Variants in ANXA8 observed in about 807,000 individuals in gnomAD.
The protein encoded by ANXA8 is annexin A8.
A neutral mutation model predicts 26.8 loss-of-function variants in ANXA8; 9 were observed. That is an observed-to-expected ratio of 0.34 (90% CI 0.20 to 0.59). The LOEUF is 0.59. Ranked by LOEUF, ANXA8 falls within the 20% of genes least tolerant of loss-of-function variation. The pLI, the probability that ANXA8 is intolerant of heterozygous loss-of-function variation, is 0.84. For synonymous variants in ANXA8, 39 were observed against 94.8 expected, an observed-to-expected ratio of 0.41 and a Z score of 3.42; for missense variants, 83 against 238.5, an observed-to-expected ratio of 0.35 and a Z score of 4.29.
the ANXA8 span, among the ~76,000 whole-genome samples, chr10:47,559,548 T>C: frequency 7.4e-4 from 112 of 152,018 alleles, 1 homozygote; most frequent in African/African-American, 2.7e-3. Context: ...TGGCTTTTTC[T>C]GTTTGTGGGT....
the ANXA8 span, among the ~76,000 whole-genome samples, chr10:47,559,142 C>CTTTTT: frequency 1.9e-4 from 14 of 73,308 alleles, 1 homozygote; most frequent in African/African-American, 4.1e-4. Flanking sequence ...TGGAGTCTTA[C>CTTTTT]TTTTTTTTTT....
the ANXA8 span, chr10:47,590,472 G>A: frequency 6.8e-6 from 1 of 146,768 alleles, no homozygotes. Context: ...CCAAAGAGAG[G>A]CCAGTGTTGG....
the ANXA8 span, among the ~76,000 whole-genome samples, chr10:47,533,620 GT>G: frequency 8.8e-5 from 10 of 114,046 alleles, no homozygotes; most frequent in Non-Finnish European, 1.2e-4. Context: ...TGAGGGGATG[GT>G]GTAGGGTGTG....
chr10:47,535,360 T>C, the ANXA8 span, among the ~76,000 whole-genome samples: 1 of 129,918 alleles, frequency 7.7e-6, no homozygotes, highest in Non-Finnish European at 1.5e-5. Context: ...GAATTATAGA[T>C]CTTTCTCTTG....
the ANXA8 span, among the ~76,000 whole-genome samples, chr10:47,525,654 ATTATT>A: frequency 7.2e-6 from 1 of 138,176 alleles, no homozygotes; most frequent in South Asian, 2.3e-4. Flanking sequence ...TATTATTATT[ATTATT>A]TTGAGACGAA....
the ANXA8 span, among the ~76,000 whole-genome samples, chr10:47,767,829 A>G: frequency 6.7e-6 from 1 of 149,984 alleles, no homozygotes; most frequent in East Asian, 2.0e-4. Flanking sequence ...GGGGCCATGG[A>G]AAGCCCCACG....
the ANXA8 span, among the ~76,000 whole-genome samples, chr10:47,728,939 A>T: frequency 6.6e-6 from 1 of 152,270 alleles, no homozygotes; most frequent in Non-Finnish European, 1.5e-5. Flanking sequence ...TTTTTAGTAG[A>T]TATGGGGTTT....
At chr10:47,501,878 A>T in the ANXA8 span, 10 of 830,364 alleles carry the variant, frequency 1.2e-5, no homozygotes, top group East Asian at 3.0e-4. Flanking sequence ...AGACTAACAC[A>T]TCCACCTTGG....
the ANXA8 span, among the ~76,000 whole-genome samples, chr10:47,952,161 A>G: frequency 2.0e-5 from 3 of 151,296 alleles, no homozygotes; most frequent in African/African-American, 7.3e-5. Flanking sequence ...ACCTACAGGT[A>G]TTATCAAATT....
chr10:47,498,604 C>T, the ANXA8 span, among the ~76,000 whole-genome samples: 652 of 136,870 alleles, frequency 4.8e-3, no homozygotes, highest in African/African-American at 0.017. Flanking sequence ...TATAAACCTA[C>T]CCGCAAAGGC....
At chr10:47,958,923 C>T in the ANXA8 span, among the ~76,000 whole-genome samples, 12 of 150,274 alleles carry the variant, frequency 8.0e-5, no homozygotes, top group South Asian at 4.2e-4. Flanking sequence ...AACTTTAACA[C>T]GTAGGGATTA....
the ANXA8 span, among the ~76,000 whole-genome samples, chr10:47,596,788 C>T: frequency 6.7e-6 from 1 of 148,466 alleles, no homozygotes; most frequent in Non-Finnish European, 1.5e-5. Context: ...GTAATAGAAG[C>T]CTAGGACTAG....
the ANXA8 span, among the ~76,000 whole-genome samples, chr10:47,657,599 A>C: frequency 1.3e-5 from 2 of 151,310 alleles, no homozygotes; most frequent in Admixed American, 1.3e-4. Flanking sequence ...CAGTTCATAC[A>C]GTATCTGGCA....
chr10:47,693,590 G>A, the ANXA8 span, among the ~76,000 whole-genome samples: 1 of 151,862 alleles, frequency 6.6e-6, no homozygotes, highest in Non-Finnish European at 1.5e-5. Flanking sequence ...GCGCCCGGCC[G>A]AGTACAATCT....
the ANXA8 span, among the ~76,000 whole-genome samples, chr10:47,580,777 CAAACA>C: frequency 6.7e-6 from 1 of 148,628 alleles, no homozygotes; most frequent in Non-Finnish European, 1.5e-5. Context: ...AAAAACAAAA[CAAACA>C]AAAAAAAACA....
At chr10:47,734,482 C>T in the ANXA8 span, among the ~76,000 whole-genome samples, 1 of 148,098 alleles carries the variant, frequency 6.8e-6, no homozygotes, top group Non-Finnish European at 1.5e-5. Context: ...ATTTACTGCA[C>T]TTAGTCTAGC....
the ANXA8 span, chr10:47,691,149 C>G: frequency 3.7e-6 from 6 of 1,600,058 alleles, no homozygotes; most frequent in Non-Finnish European, 5.1e-6. Flanking sequence ...CAATCAGAAA[C>G]TAAGAAGAAG....
the ANXA8 span, among the ~76,000 whole-genome samples, chr10:47,540,428 A>T: frequency 8.0e-6 from 1 of 125,638 alleles, no homozygotes; most frequent in African/African-American, 2.9e-5. Flanking sequence ...TAAAGGAATA[A>T]CCCTTAAAAA....
At chr10:47,952,913 C>G in the ANXA8 span, among the ~76,000 whole-genome samples, 3 of 146,574 alleles carry the variant, frequency 2.0e-5, no homozygotes, top group South Asian at 6.3e-4. Context: ...GGTGCTAAAA[C>G]AAGTGAAGAT....
Sources: gnomAD v4.1 joint callset for allele counts (sites outside exome capture counted in the v4.1 genomes callset) on GRCh38, gnomAD v4.1.1 for gene constraint, MANE v1.5 for transcripts, NCBI Gene and HGNC (gene_info 2026-07-23, HGNC 2026-07-21) for gene names.